ARFIP1: variants seen among roughly 807,000 people sequenced by gnomAD.
ARFIP1 encodes arfaptin-1.
A neutral mutation model predicts 42.5 loss-of-function variants in ARFIP1; 24 were observed. The ratio of observed to expected loss-of-function variants is 0.57; its 90% CI spans 0.41 to 0.80. The LOEUF (loss-of-function observed/expected upper bound fraction) is 0.80. Among genes scored for constraint, ARFIP1 ranks in the 30% least tolerant of loss-of-function variants. The pLI is 0.00. For synonymous variants in ARFIP1, 141 were observed against 153.7 expected, an observed-to-expected ratio of 0.92 and a Z score of 0.61; for missense variants, 354 against 434.0, an observed-to-expected ratio of 0.82 and a Z score of 1.64.
intron 1 of ARFIP1, among the ~76,000 whole-genome samples, chr4:152,798,714 T>C (rs1731623854): frequency 1.3e-5 from 2 of 152,230 alleles, no homozygotes; most frequent in South Asian, 4.1e-4. Flanking sequence ...TGGTGTCTGG[T>C]ACTTATTTGT....
chr4:152,910,244 A>G lies in ARFIP1; in HGVS notation c.*25A>G. 6.2e-7 allele frequency: 1 copy of G among 1,605,178 alleles called. No homozygotes were observed. The highest frequency in any genetic ancestry group is 8.5e-7 in the Non-Finnish European group (1 of 1,176,264). On this transcript the variant is annotated 3_prime_UTR_variant, in exon 9 of 9. Coordinates refer to ENST00000353617, the MANE Select transcript of ARFIP1 (RefSeq NM_001025595.3). ...AAATCACAGCGGAAAATAAAAAGAAAGTCGCGTTGTTATATTTCTAAACCA... is the reference window on the plus strand; with the variant it reads ...AAATCACAGCGGAAAATAAAAAGAAGGTCGCGTTGTTATATTTCTAAACCA...
At chr4:152,799,319 A>G (rs1731658881) in intron 1 of ARFIP1, among the ~76,000 whole-genome samples, 1 of 152,218 alleles carries the variant, frequency 6.6e-6, no homozygotes, top group Non-Finnish European at 1.5e-5. Flanking sequence ...TTTAACCTTC[A>G]GAGAAATGGC....
intron 8 of ARFIP1, among the ~76,000 whole-genome samples, chr4:152,899,361 T>G (rs1174528491): frequency 6.6e-6 from 1 of 152,178 alleles, no homozygotes; most frequent in East Asian, 1.9e-4. Context: ...TACCCCTAAC[T>G]GTAACTATGG....
At chr4:152,835,743 A>G (rs1358508722) in intron 2 of ARFIP1, among the ~76,000 whole-genome samples, 3 of 152,218 alleles carry the variant, frequency 2.0e-5, no homozygotes, top group African/African-American at 7.2e-5. Context: ...CTATAAAGAA[A>G]TACATGAAAC....
At chr4:152,868,694 C>A (rs1578971677) in intron 3 of ARFIP1, among the ~76,000 whole-genome samples, 2 of 152,220 alleles carry the variant, frequency 1.3e-5, no homozygotes, top group South Asian at 4.1e-4. Flanking sequence ...TTCCTGGGGT[C>A]AAGACATGGA....
intron 2 of ARFIP1, among the ~76,000 whole-genome samples, chr4:152,849,390 T>C (rs1732805717): frequency 6.6e-6 from 1 of 152,228 alleles, no homozygotes; most frequent in African/African-American, 2.4e-5. Context: ...AAACAAAAGC[T>C]ATTAGGAATA....
At chr4:152,868,361 C>T (rs879273962) in intron 3 of ARFIP1, among the ~76,000 whole-genome samples, 3 of 151,918 alleles carry the variant, frequency 2.0e-5, no homozygotes, top group Non-Finnish European at 4.4e-5. Context: ...GATTTAATTC[C>T]CCAAATTTAG....
chr4:152,821,946 T>C (rs1169613479), intron 1 of ARFIP1, among the ~76,000 whole-genome samples: 1 of 152,186 alleles, frequency 6.6e-6, no homozygotes, highest in Non-Finnish European at 1.5e-5. Flanking sequence ...AGACTAGCCC[T>C]ACAAGAAATG....
At chr4:152,842,899 C>G (rs1473178177) in intron 2 of ARFIP1, among the ~76,000 whole-genome samples, 1 of 151,952 alleles carries the variant, frequency 6.6e-6, no homozygotes, top group Non-Finnish European at 1.5e-5. Flanking sequence ...AATAACTAAC[C>G]TCCTGAATTC....
rs1388999019 is a variant in ARFIP1 at position 152,867,022 on chromosome 4, AGG to A, written c.202+3309_202+3310del. ...TCCTCACTTTCCAGACTGGGCAGCC[AGG>A]CAGAGGGGCTCCTCACATCCCAGAC... On this transcript the variant is annotated intron_variant, in intron 3 of 8. Transcript: ENST00000353617. Among the ~76,000 whole-genome samples, 2 of 147,622 alleles carry A rather than the reference AGG, an allele frequency of 1.4e-5. 1 individual carries two copies. The highest frequency in any genetic ancestry group is 5.1e-5 in the African/African-American group (2 of 39,030).
intron 1 of ARFIP1, among the ~76,000 whole-genome samples, chr4:152,815,490 C>A (rs530019202): frequency 1.3e-5 from 2 of 152,162 alleles, no homozygotes; most frequent in Admixed American, 1.3e-4. Flanking sequence ...AATCCAGTAA[C>A]CTACTTACCT....
chr4:152,895,985 A>G (rs1275361196), intron 8 of ARFIP1, among the ~76,000 whole-genome samples: 2 of 152,168 alleles, frequency 1.3e-5, no homozygotes, highest in African/African-American at 4.8e-5. Context: ...CGTAAATACA[A>G]GCTGTGGTAA....
At chr4:152,865,973 A>G (rs1734295056) in intron 3 of ARFIP1, among the ~76,000 whole-genome samples, 1 of 152,048 alleles carries the variant, frequency 6.6e-6, no homozygotes, top group Non-Finnish European at 1.5e-5. Flanking sequence ...CAGATAAACA[A>G]GTGAACAAAG....
chr4:152,864,285 C>T (rs1475458313), intron 3 of ARFIP1, among the ~76,000 whole-genome samples: 2 of 152,194 alleles, frequency 1.3e-5, no homozygotes, highest in East Asian at 3.8e-4. Flanking sequence ...CTCTTCCAAG[C>T]TGTTCTTACA....
At chr4:152,872,427 G>A (rs1234599549) in intron 4 of ARFIP1, 25 bp from the exon 5 acceptor site, 19 of 1,460,802 alleles carry the variant, frequency 1.3e-5, no homozygotes, top group Non-Finnish European at 1.8e-5. Context: ...TCTGGATTGT[G>A]TTTTTATCTT....
chr4:152,815,018 A>G (rs371312638), intron 1 of ARFIP1, among the ~76,000 whole-genome samples: 2 of 152,222 alleles, frequency 1.3e-5, no homozygotes, highest in East Asian at 3.8e-4. Flanking sequence ...TCTCAGAAGC[A>G]GGAACCTGTG....
chr4:152,872,173 AAAT>A (rs1488143232), intron 4 of ARFIP1, among the ~76,000 whole-genome samples: 1 of 152,136 alleles, frequency 6.6e-6, no homozygotes, highest in African/African-American at 2.4e-5. Flanking sequence ...CTTATATAGA[AAAT>A]AAGGCTGATT....
rs967286954 is a variant in ARFIP1, at chr4:152,803,091, A to C, written c.-10+22865A>C. On this transcript the variant is annotated intron_variant, in intron 1 of 8. Transcript: ENST00000353617. The stretch of plus-strand genomic sequence containing the variant: ...TTAGTGGAGATTTGTCCACTGTCCA[A>C]ATTGGCCAGTATGAAGAAAGGAGGG... 2.0e-5 allele frequency among the ~76,000 whole-genome samples: 3 copies of C among 152,150 alleles called. No individual in the cohort carries two copies. The East Asian group carries it at 5.8e-4, about 29-fold the overall frequency.
intron 2 of ARFIP1, among the ~76,000 whole-genome samples, chr4:152,855,116 C>T (rs1177098946): frequency 6.6e-6 from 1 of 152,162 alleles, no homozygotes; most frequent in East Asian, 1.9e-4. Flanking sequence ...GCGGACCAGT[C>T]TCCAGGTCCT....
Sources: gnomAD v4.1 joint callset for allele counts (sites outside exome capture counted in the v4.1 genomes callset) on GRCh38, gnomAD v4.1.1 for gene constraint, MANE v1.5 for transcripts, NCBI Gene and HGNC (gene_info 2026-07-23, HGNC 2026-07-21) for gene names.